The following CTNND1 variants were observed in gnomAD, a reference collection of about 807,000 sequenced individuals.
CTNND1 encodes the protein catenin delta 1, also known as catenin delta-1.
CTNND1 carries 16 observed loss-of-function variants against 112.1 expected under a neutral mutation model. The ratio of observed to expected loss-of-function variants is 0.14; its 90% CI spans 0.10 to 0.22. CTNND1 has a LOEUF of 0.22. Ranked by LOEUF, CTNND1 falls within the 10% of genes least tolerant of loss-of-function variation. The pLI, the probability that CTNND1 is intolerant of heterozygous loss-of-function variation, is 1.00. For synonymous variants in CTNND1, 420 were observed against 446.5 expected, an observed-to-expected ratio of 0.94 and a Z score of 0.75; for missense variants, 1,008 against 1,257.0, an observed-to-expected ratio of 0.80 and a Z score of 3.00.
At chr11:57,807,351 A>G (rs2062801961) in intron 12 of CTNND1, among the ~76,000 whole-genome samples, 1 of 152,330 alleles carries the variant, frequency 6.6e-6, no homozygotes, top group East Asian at 1.9e-4. Flanking sequence ...CATGCCTGCA[A>G]TCCCAGCACT....
At position 57,788,500 on chromosome 11, in the gene CTNND1, C is replaced by T. The variant is rs1408226461; in HGVS notation, c.-213-537C>T. On this transcript the variant is annotated intron_variant, in intron 1 of 20. Coordinates refer to ENST00000399050, the MANE Select transcript of CTNND1 (RefSeq NM_001085458.2). This position sits in a 1 kb window ranked among gnomAD's most constrained non-coding sequence, Gnocchi z 4.1. ...ACTTCTGCATACACTCTAAGCCAAA[C>T]AGGCCCGGGCATTTGTGCTTGGTGG... Among the ~76,000 whole-genome samples, 1 of 152,190 alleles carries T rather than the reference C, an allele frequency of 6.6e-6. No homozygotes were observed. The highest frequency in any genetic ancestry group is 1.5e-5 in the Non-Finnish European group (1 of 68,038).
At position 57,818,074 on chromosome 11, in the gene CTNND1, C is replaced by T. The variant is rs2064069445; in HGVS notation, c.*1766C>T. 1 of 152,438 alleles carries T rather than the reference C, an allele frequency of 6.6e-6. No homozygotes were observed. The highest frequency in any genetic ancestry group is 2.4e-5 in the African/African-American group (1 of 41,376). The allele number at this position is 152,438 out of a possible 1,614,324, so 9.4% of individuals were successfully genotyped here. A position where few individuals can be genotyped will look rare whatever the true frequency, so the allele number is the denominator to read the frequency against. ...TTCTTCCCACTTTCATCTACCTTTT[C>T]TGGCAAAAAGGAGCCTTTTGCTCTC... On this transcript the variant is annotated 3_prime_UTR_variant, in exon 21 of 21. Coordinates refer to ENST00000399050, the MANE Select transcript of CTNND1 (RefSeq NM_001085458.2).
In CTNND1 at chr11:57,809,383, G is replaced by T. The variant is rs1351186298; in HGVS notation, c.2352G>T (p.Glu784Asp). Residue 784 changes from glutamate to aspartate, a missense_variant, in exon 15 of 21, where the codon GAG becomes GAT. Physicochemically the swap from Glu to Asp is conservative, Grantham distance 45. Coordinates refer to ENST00000399050, the MANE Select transcript of CTNND1 (RefSeq NM_001085458.2). ...TVISILNTIN[E>D]VIAENLEAAK... is the part of the protein sequence containing the mutation. ...TCTCTATTTTGAACACTATCAACGA[G>T]GTTATCGCTGAGAACTTGGAGGCTG... 1.9e-6 allele frequency: 3 copies of T among 1,613,800 alleles called. No individual in the cohort carries two copies. The African/African-American group carries it at 4.0e-5, about 22-fold the overall frequency.
Position 57,804,678 on chromosome 11 carries a change from G to C in CTNND1, c.1620G>C (p.Glu540Asp). 1 of 1,613,836 alleles carries C rather than the reference G, an allele frequency of 6.2e-7. No individual in the cohort carries two copies. Among genetic ancestry groups the C allele is most frequent in the Non-Finnish European group, 8.5e-7 (1 of 1,179,782 alleles). Residue 540 changes from glutamate to aspartate, a missense_variant, in exon 9 of 21, where the codon GAG (glutamate) becomes GAC (aspartate). This residue lies in a region of CTNND1 where 216 missense variants were observed against 342.8 expected (regional missense o/e 0.63). Transcript: ENST00000399050. Reference sequence around the variant, plus strand: ...TTCCCCTCAGGAATGTAAGCTCAGAGAGGAGTGAAGCTCGCCGGAAACTTC... The same window carrying C: ...TTCCCCTCAGGAATGTAAGCTCAGACAGGAGTGAAGCTCGCCGGAAACTTC... ...TAGCLRNVSS[E>D]RSEARRKLRE...
intron 6 of CTNND1, among the ~76,000 whole-genome samples, chr11:57,800,754 C>T (rs2061932884): frequency 6.6e-6 from 1 of 152,216 alleles, no homozygotes; most frequent in African/African-American, 2.4e-5. Flanking sequence ...GAGAGCTCCA[C>T]ACAATAGATT....
chr11:57,764,135 A>G (rs1284738746), intron 1 of CTNND1: 5 of 152,130 alleles, frequency 3.3e-5, no homozygotes, highest in Non-Finnish European at 5.9e-5. Flanking sequence ...GATGATAGGT[A>G]AGTATGAGCT....
At chr11:57,812,345 C>T (rs1246456411) in intron 17 of CTNND1, among the ~76,000 whole-genome samples, 1 of 152,070 alleles carries the variant, frequency 6.6e-6, no homozygotes, top group African/African-American at 2.4e-5. Flanking sequence ...CATGGTGAAA[C>T]CCCGTCTCTA....
Position 57,802,010 on chromosome 11 carries a change from G to A in CTNND1, c.1234G>A (p.Val412Ile). ...CGTGCGGAAGCTCAAGGGCATCCCA[G>A]TACTGGTGGGATTGTTAGACCATCC... is the stretch of plus-strand genomic sequence containing the variant. ...TDVRKLKGIP[V>I]LVGLLDHPKK... is the part of the protein sequence containing the mutation. The change falls in exon 7 of 21, where the codon GTA becomes ATA. Residue 412 changes from valine (V) to isoleucine (I), a missense_variant. Val to Ile is a conservative substitution (Grantham distance 29). This residue lies in a region of CTNND1 where 216 missense variants were observed against 342.8 expected (regional missense o/e 0.63). Coordinates refer to ENST00000399050, the MANE Select transcript of CTNND1 (RefSeq NM_001085458.2). 3 of 1,614,026 alleles carry A rather than the reference G, an allele frequency of 1.9e-6. No individual in the cohort carries two copies. In the East Asian group the frequency reaches 6.7e-5, roughly 36 times the overall value.
chr11:57,773,798 CG>C (rs1444314736), intron 1 of CTNND1, among the ~76,000 whole-genome samples: 4 of 151,632 alleles, frequency 2.6e-5, no homozygotes, highest in Non-Finnish European at 5.9e-5. Flanking sequence ...AAAAATTAGC[CG>C]GGCGTGGTGG....
rs113317377 is a variant in CTNND1, at chr11:57,811,319, T to A, written c.2551-80T>A. ...ATGATTCTATTTGGGAATAGGAACCTAGAGGTTTATGCCCATTAGAGCATA... is the reference window on the plus strand; with the variant it reads ...ATGATTCTATTTGGGAATAGGAACCAAGAGGTTTATGCCCATTAGAGCATA... On this transcript the variant is annotated intron_variant, in intron 16 of 20. Transcript: ENST00000399050. 156 of 1,136,450 alleles carry A rather than the reference T, an allele frequency of 1.4e-4. 1 individual carries two copies. Among genetic ancestry groups the A allele is most frequent in the African/African-American group, 1.3e-3 (84 of 64,530 alleles). The allele number at this position is 1,136,450 out of a possible 1,614,324, so 70.4% of individuals were successfully genotyped here. A position where few individuals can be genotyped will look rare whatever the true frequency, so the allele number is the denominator to read the frequency against.
intron 18 of CTNND1, 50 bp downstream of exon 18, chr11:57,814,423 A>G: frequency 2.1e-6 from 3 of 1,408,146 alleles, no homozygotes; most frequent in Non-Finnish European, 3.0e-6. Context: ...TTCACTGGCT[A>G]AGGAGAGCTG....
At chr11:57,791,771 G>A in intron 3 of CTNND1, 98 bp downstream of exon 3, 3 of 1,279,970 alleles carry the variant, frequency 2.3e-6, no homozygotes, top group South Asian at 1.8e-5. Flanking sequence ...TTGGTGATGG[G>A]CTGTCCAGTG....
At chr11:57,767,129 G>C (rs1216718245) in intron 1 of CTNND1, among the ~76,000 whole-genome samples, 2 of 152,012 alleles carry the variant, frequency 1.3e-5, no homozygotes, top group Admixed American at 1.3e-4. Context: ...GCGCCACCAC[G>C]CCCTGCTAAT....
chr11:57,799,336 C>T (rs575649845), intron 6 of CTNND1, among the ~76,000 whole-genome samples: 15 of 152,154 alleles, frequency 9.9e-5, no homozygotes, highest in East Asian at 1.9e-4. Flanking sequence ...AGTGATTGGA[C>T]CCAGATGGGT....
At chr11:57,813,186 T>C (rs1305765444) in intron 17 of CTNND1, among the ~76,000 whole-genome samples, 1 of 152,056 alleles carries the variant, frequency 6.6e-6, no homozygotes, top group African/African-American at 2.4e-5. Flanking sequence ...TAGCCAGGCA[T>C]GGTGGCACAT....
intron 14 of CTNND1, 50 bp downstream of exon 14, chr11:57,808,590 T>TA (rs1461030402): frequency 7.4e-6 from 11 of 1,496,432 alleles, no homozygotes; most frequent in Non-Finnish European, 8.9e-6. Flanking sequence ...ACAGTGTTTG[T>TA]AGTCCAGCAG....
Position 57,808,160 on chromosome 11 carries a change from T to G in CTNND1, c.1964-5T>G. 6.2e-7 allele frequency: 1 copy of G among 1,606,606 alleles called. No individual in the cohort carries two copies. The highest frequency in any genetic ancestry group is 1.3e-5 in the African/African-American group (1 of 74,918). On this transcript the variant is annotated splice_region_variant and splice_polypyrimidine_tract_variant and intron_variant, in intron 12 of 20. Coordinates refer to ENST00000399050, the MANE Select transcript of CTNND1 (RefSeq NM_001085458.2). ...ACCCTCTGCTTCTATTTCTCTTTTGTGCAGGCTATGAGCTCTTATTTCAGC... is the reference window on the plus strand; with the variant it reads ...ACCCTCTGCTTCTATTTCTCTTTTGGGCAGGCTATGAGCTCTTATTTCAGC...
At chr11:57,810,846 A>G (rs2137491526) in intron 16 of CTNND1, among the ~76,000 whole-genome samples, 1 of 151,936 alleles carries the variant, frequency 6.6e-6, no homozygotes, top group Non-Finnish European at 1.5e-5. Context: ...AGTCCGAGCA[A>G]CTCAGGAGGC....
At chr11:57,787,092 G>T (rs1185165692) in intron 1 of CTNND1, among the ~76,000 whole-genome samples, 1 of 152,216 alleles carries the variant, frequency 6.6e-6, no homozygotes, top group Non-Finnish European at 1.5e-5. Flanking sequence ...CCTTAGGGTT[G>T]TTGTAAGGAT....
Sources: gnomAD v4.1 joint callset for allele counts (sites outside exome capture counted in the v4.1 genomes callset) on GRCh38, gnomAD v4.1.1 for gene constraint, gnomAD v4.1.1 regional missense constraint, Gnocchi (gnomAD v3.1) non-coding constraint, MANE v1.5 for transcripts, NCBI Gene and HGNC (gene_info 2026-07-23, HGNC 2026-07-21) for gene names.